Variants in TBC1D5 observed in about 807,000 individuals in gnomAD.
TBC1D5 encodes TBC1 domain family member 5.
A neutral mutation model predicts 100.3 loss-of-function variants in TBC1D5; 75 were observed. The observed-to-expected ratio is 0.75, with a 90% confidence interval of 0.62 to 0.91. The LOEUF is 0.91. Ranked by LOEUF, TBC1D5 falls within the 40% of genes least tolerant of loss-of-function variation. The probability of loss-of-function intolerance (pLI) is 0.00; values close to 1 mark genes in which losing one functional copy is unlikely to be tolerated. For missense variants in TBC1D5, 910 were observed against 942.4 expected (o/e 0.97, Z 0.45); for synonymous variants, 323 against 325.6 (o/e 0.99, Z 0.09).
intron 16 of TBC1D5, among the ~76,000 whole-genome samples, chr3:17,254,265 G>A (rs1328947556): frequency 6.6e-6 from 1 of 152,184 alleles, no homozygotes; most frequent in African/African-American, 2.4e-5. Flanking sequence ...CAGGATATAT[G>A]TTTAACTTCA....
chr3:17,292,370 T>C (rs184122467), intron 14 of TBC1D5, among the ~76,000 whole-genome samples: 1 of 152,080 alleles, frequency 6.6e-6, no homozygotes, highest in Non-Finnish European at 1.5e-5. Flanking sequence ...GCCATATGAA[T>C]GGAAAAGAAC....
intron 1 of TBC1D5, among the ~76,000 whole-genome samples, chr3:17,672,270 C>T (rs542420589): frequency 6.6e-6 from 1 of 152,102 alleles, no homozygotes; most frequent in African/African-American, 2.4e-5. Flanking sequence ...AAGAATGCAA[C>T]TTACATTATA....
intron 2 of TBC1D5, among the ~76,000 whole-genome samples, chr3:17,521,537 T>C (rs1336245325): frequency 6.6e-6 from 1 of 152,136 alleles, no homozygotes; most frequent in African/African-American, 2.4e-5. Context: ...GTCAAAGCAT[T>C]TGGGAAGTCA....
chr3:17,557,388 G>A (rs1314020296), intron 2 of TBC1D5, among the ~76,000 whole-genome samples: 1 of 152,214 alleles, frequency 6.6e-6, no homozygotes, highest in Non-Finnish European at 1.5e-5. Flanking sequence ...AGGATAAGAA[G>A]TTTGTGTGCC....
intron 2 of TBC1D5, among the ~76,000 whole-genome samples, chr3:17,574,174 A>T (rs1017651806): frequency 2.6e-5 from 4 of 152,014 alleles, no homozygotes; most frequent in Admixed American, 1.3e-4. Context: ...CATGTTCCTG[A>T]AAAAGACCAA....
At chr3:17,629,970 T>G (rs895763619) in intron 1 of TBC1D5, among the ~76,000 whole-genome samples, 1 of 152,088 alleles carries the variant, frequency 6.6e-6, no homozygotes. Flanking sequence ...ACATGAGGGC[T>G]AAAAATAAGG....
At chr3:17,227,231 G>A (rs778842335) in intron 17 of TBC1D5, among the ~76,000 whole-genome samples, 7 of 152,132 alleles carry the variant, frequency 4.6e-5, no homozygotes, top group Admixed American at 1.3e-4. Context: ...GGAAATGGTC[G>A]TGGTGGGTCA....
intron 3 of TBC1D5, among the ~76,000 whole-genome samples, chr3:17,434,434 T>G (rs1461490084): frequency 6.6e-6 from 1 of 152,194 alleles, no homozygotes; most frequent in Non-Finnish European, 1.5e-5. Context: ...GCTTGCACCT[T>G]CTGAAGCAAT....
At chr3:17,249,667 C>T (rs543530264) in intron 16 of TBC1D5, among the ~76,000 whole-genome samples, 1 of 152,188 alleles carries the variant, frequency 6.6e-6, no homozygotes, top group Non-Finnish European at 1.5e-5. Context: ...AATTAAACAT[C>T]TTTTCTTTAT....
intron 1 of TBC1D5, among the ~76,000 whole-genome samples, chr3:17,716,569 T>C (rs1008447216): frequency 6.6e-6 from 1 of 152,030 alleles, no homozygotes; most frequent in Admixed American, 6.6e-5. Flanking sequence ...TTAAACATAT[T>C]TCATATAGTT....
chr3:17,517,722 T>TTTTATTAAAATTGACTTAAATTTTA (rs2096009129), intron 2 of TBC1D5, among the ~76,000 whole-genome samples: 1 of 152,168 alleles, frequency 6.6e-6, no homozygotes, highest in African/African-American at 2.4e-5. Context: ...TTTAAGTCAA[T>TTTTATTAAAATTGACTTAAATTTTA]TTTATTAAAA....
chr3:17,194,494 C>A (rs957133294), intron 18 of TBC1D5, among the ~76,000 whole-genome samples: 2 of 152,140 alleles, frequency 1.3e-5, no homozygotes, highest in Non-Finnish European at 2.9e-5. Context: ...AACATTTATA[C>A]AATTTCTCAT....
intron 3 of TBC1D5, among the ~76,000 whole-genome samples, chr3:17,459,916 A>T (rs957131377): frequency 1.3e-5 from 2 of 152,252 alleles, no homozygotes; most frequent in African/African-American, 4.8e-5. Flanking sequence ...GGATGAAAAT[A>T]AAAATTCAGC....
At chr3:17,164,814 C>T (rs762523920) in intron 21 of TBC1D5, among the ~76,000 whole-genome samples, 17 of 152,230 alleles carry the variant, frequency 1.1e-4, no homozygotes, top group Non-Finnish European at 2.2e-4. Flanking sequence ...TTCTTTCTGA[C>T]TTGCTTGCTT....
chr3:17,579,276 T>G (rs1274397809), intron 2 of TBC1D5, among the ~76,000 whole-genome samples: 1 of 152,104 alleles, frequency 6.6e-6, no homozygotes, highest in Non-Finnish European at 1.5e-5. Flanking sequence ...AATTTCTTTG[T>G]AAAATAGAAA....
chr3:17,409,537 G>C (rs910126792), intron 4 of TBC1D5, among the ~76,000 whole-genome samples: 3 of 152,014 alleles, frequency 2.0e-5, no homozygotes, highest in South Asian at 4.1e-4. Flanking sequence ...AGCCAAGTTA[G>C]ACCAAAAGCT....
intron 4 of TBC1D5, among the ~76,000 whole-genome samples, chr3:17,423,393 T>C (rs1307412317): frequency 6.6e-6 from 1 of 152,038 alleles, no homozygotes; most frequent in Non-Finnish European, 1.5e-5. Context: ...CTAGCCCAGG[T>C]GTAGGATTTA....
At position 17,278,664 on chromosome 3, in the gene TBC1D5, T is replaced by C. The variant is rs78375014; in HGVS notation, c.1245+13231A>G. On this transcript the variant is annotated intron_variant, in intron 15 of 21. Transcript: ENST00000253692. The stretch of plus-strand genomic sequence containing the variant: ...GAAAAAGCTACCTCATAAAGAGACA[T>C]AGATCTGAATGAAAAAAAGAGATTG... 6.0e-3 allele frequency among the ~76,000 whole-genome samples: 910 copies of C among 152,278 alleles called. 5 individuals carry two copies. The highest frequency in any genetic ancestry group is 0.021 in the African/African-American group (886 of 41,560).
At chr3:17,467,989 T>A (rs9878954) in intron 3 of TBC1D5, among the ~76,000 whole-genome samples, 77,122 of 151,988 alleles carry the variant, frequency 0.51, 21,459 homozygotes, top group African/African-American at 0.72. Flanking sequence ...CCAAGTGAAG[T>A]AAAGAGACTA....
Sources: allele counts gnomAD v4.1 joint callset (sites outside exome capture counted in the v4.1 genomes callset), GRCh38; gene constraint gnomAD v4.1.1; transcripts MANE v1.5; gene names NCBI Gene and HGNC (gene_info 2026-07-23, HGNC 2026-07-21).